Variants in PCCA observed in about 807,000 individuals in gnomAD.
PCCA encodes the protein propionyl-CoA carboxylase alpha chain, mitochondrial.
PCCA carries 74 observed loss-of-function variants against 101.3 expected under a neutral mutation model. That is an observed-to-expected ratio of 0.73 (90% confidence interval 0.61 to 0.89). The LOEUF is 0.89. PCCA is among the 40% of genes least tolerant of loss of function. PCCA has a pLI of 0.00. For synonymous variants in PCCA, 294 were observed against 313.6 expected (o/e 0.94, Z 0.66); for missense variants, 891 against 907.0 (o/e 0.98, Z 0.23).
At chr13:100,258,981 C>T (rs2062262474) in intron 9 of PCCA, among the ~76,000 whole-genome samples, 1 of 152,084 alleles carries the variant, frequency 6.6e-6, no homozygotes, top group Non-Finnish European at 1.5e-5. Context: ...CTCTATGTCC[C>T]TTATTTATTT....
At chr13:100,148,494 T>C (rs2152364171) in intron 4 of PCCA, among the ~76,000 whole-genome samples, 1 of 136,164 alleles carries the variant, frequency 7.3e-6, no homozygotes, top group Non-Finnish European at 1.5e-5. Flanking sequence ...CCAGCTACAC[T>C]GACATGACTC....
At chr13:100,243,544 A>G (rs1228085197) in intron 8 of PCCA, among the ~76,000 whole-genome samples, 1 of 152,214 alleles carries the variant, frequency 6.6e-6, no homozygotes, top group Non-Finnish European at 1.5e-5. Flanking sequence ...TAAATTCAGT[A>G]TATACTTGTT....
chr13:100,352,316 A>G (rs1485748728), intron 18 of PCCA, among the ~76,000 whole-genome samples: 1 of 152,146 alleles, frequency 6.6e-6, no homozygotes, highest in Non-Finnish European at 1.5e-5. Context: ...AAAAGGATGG[A>G]AAAAAGTATC....
At chr13:100,149,986 T>C (rs193084822) in intron 4 of PCCA, among the ~76,000 whole-genome samples, 2 of 152,342 alleles carry the variant, frequency 1.3e-5, no homozygotes, top group East Asian at 3.9e-4. Flanking sequence ...TTGACTAATA[T>C]GAAATTTTCT....
intron 9 of PCCA, 55 bp from the exon 10 acceptor site, chr13:100,262,674 C>G: frequency 2.6e-6 from 2 of 784,166 alleles, no homozygotes; most frequent in East Asian, 2.5e-5. Context: ...CCTTCTTCCC[C>G]TTCCCCTTCC....
At chr13:100,435,506 G>A (rs1431270018) in intron 20 of PCCA, among the ~76,000 whole-genome samples, 3 of 152,150 alleles carry the variant, frequency 2.0e-5, no homozygotes, top group Non-Finnish European at 2.9e-5. Context: ...ATTAGCTCCC[G>A]ATTCATCCAG....
intron 16 of PCCA, among the ~76,000 whole-genome samples, chr13:100,313,648 G>A (rs2067108550): frequency 6.6e-6 from 1 of 152,154 alleles, no homozygotes; most frequent in Admixed American, 6.5e-5. Context: ...AGACAAGGAG[G>A]GGGTTTGTTT....
At chr13:100,422,106 C>CT (rs1306540002) in intron 19 of PCCA, among the ~76,000 whole-genome samples, 1 of 119,960 alleles carries the variant, frequency 8.3e-6, no homozygotes, top group Non-Finnish European at 1.7e-5. Context: ...TTCTTTCTTT[C>CT]TTTCTTTCTT....
At chr13:100,315,336 A>T (rs2067250351) in intron 16 of PCCA, among the ~76,000 whole-genome samples, 1 of 152,058 alleles carries the variant, frequency 6.6e-6, no homozygotes, top group African/African-American at 2.4e-5. Context: ...AAGAGCAAGA[A>T]CCCCCACTCT....
At chr13:100,312,914 T>C (rs2067038453) in intron 16 of PCCA, among the ~76,000 whole-genome samples, 1 of 152,208 alleles carries the variant, frequency 6.6e-6, no homozygotes. Flanking sequence ...ACAATAATTT[T>C]TTTAAGCTCA....
At chr13:100,323,448 G>C (rs2068293280) in intron 16 of PCCA, among the ~76,000 whole-genome samples, 2 of 152,112 alleles carry the variant, frequency 1.3e-5, no homozygotes, top group African/African-American at 2.4e-5. Flanking sequence ...CTCAAGAGTA[G>C]CTGGGATTAC....
intron 20 of PCCA, among the ~76,000 whole-genome samples, chr13:100,433,783 G>A (rs1426828789): frequency 6.6e-6 from 1 of 152,174 alleles, no homozygotes; most frequent in Non-Finnish European, 1.5e-5. Flanking sequence ...AAAAGGGTGT[G>A]ATCCCACTCC....
At chr13:100,389,804 C>A (rs1157474395) in intron 19 of PCCA, among the ~76,000 whole-genome samples, 1 of 152,106 alleles carries the variant, frequency 6.6e-6, no homozygotes, top group Non-Finnish European at 1.5e-5. Flanking sequence ...GGGGCAGGCC[C>A]CAGGGGAAGC....
chr13:100,113,969 G>T lies in PCCA; in HGVS notation c.300+1908G>T, dbSNP rs572283239. ...TTTTCTTTATATCCTTATTTTATAA[G>T]CTTTTTTCTGTTTTTAAAGTTTTTT... On this transcript the variant is annotated intron_variant, in intron 4 of 23. Transcript: ENST00000376285. 3.3e-5 allele frequency among the ~76,000 whole-genome samples: 5 copies of T among 152,182 alleles called. No individual in the cohort carries two copies. The East Asian group carries it at 9.6e-4, about 29-fold the overall frequency.
chr13:100,329,982 G>A (rs144835048), intron 16 of PCCA, among the ~76,000 whole-genome samples: 2 of 152,258 alleles, frequency 1.3e-5, no homozygotes, highest in East Asian at 1.9e-4. Flanking sequence ...CCAACTGCAC[G>A]TCACATAACC....
At chr13:100,306,227 G>C (rs1353299571) in intron 14 of PCCA, among the ~76,000 whole-genome samples, 9 of 152,202 alleles carry the variant, frequency 5.9e-5, no homozygotes, top group Admixed American at 4.6e-4. Context: ...CTTCCCACAG[G>C]TGGAAGGCTA....
At chr13:100,306,118 T>C (rs2066426576) in intron 14 of PCCA, among the ~76,000 whole-genome samples, 1 of 152,240 alleles carries the variant, frequency 6.6e-6, no homozygotes, top group South Asian at 2.1e-4. Flanking sequence ...GGTCCCTTGA[T>C]AATTGCCTAA....
At chr13:100,133,145 A>G (rs2050727117) in intron 4 of PCCA, among the ~76,000 whole-genome samples, 1 of 152,168 alleles carries the variant, frequency 6.6e-6, no homozygotes, top group South Asian at 2.1e-4. Flanking sequence ...GCATTTGCCT[A>G]ATGGTTAATG....
intron 18 of PCCA, among the ~76,000 whole-genome samples, chr13:100,362,332 T>G (rs966028984): frequency 2.6e-5 from 4 of 152,160 alleles, no homozygotes; most frequent in Non-Finnish European, 4.4e-5. Flanking sequence ...AAGAGAGGGA[T>G]TTCAGATATT....
Sources: gnomAD v4.1 joint callset for allele counts (sites outside exome capture counted in the v4.1 genomes callset) on GRCh38, gnomAD v4.1.1 for gene constraint, MANE v1.5 for transcripts, NCBI Gene and HGNC (gene_info 2026-07-23, HGNC 2026-07-21) for gene names.